KALRN: variants seen among roughly 807,000 people sequenced by gnomAD.
The protein encoded by KALRN is kalirin.
KALRN carries 70 observed loss-of-function variants against 353.7 expected under a neutral mutation model. The observed-to-expected ratio is 0.20, with a 90% CI of 0.16 to 0.24. The LOEUF (loss-of-function observed/expected upper bound fraction) is 0.24. Among genes scored for constraint, KALRN ranks in the 10% least tolerant of loss-of-function variants. The probability of loss-of-function intolerance (pLI) is 1.00; values close to 1 mark genes in which losing one functional copy is unlikely to be tolerated. For synonymous variants in KALRN, 1,391 were observed against 1,434.8 expected, an observed-to-expected ratio of 0.97 and a Z score of 0.69; for missense variants, 2,791 against 3,756.7, an observed-to-expected ratio of 0.74 and a Z score of 6.72.
At chr3:124,450,057 A>G (rs1173360708) in intron 21 of KALRN, among the ~76,000 whole-genome samples, 1 of 152,154 alleles carries the variant, frequency 6.6e-6, no homozygotes, top group Non-Finnish European at 1.5e-5. Context: ...TTATGTGCAT[A>G]CCTGGGAGTG....
chr3:124,555,823 C>G (rs1264352643), intron 33 of KALRN, among the ~76,000 whole-genome samples: 1 of 152,122 alleles, frequency 6.6e-6, no homozygotes, highest in Non-Finnish European at 1.5e-5. Context: ...GGACCATGAG[C>G]AAGACGGAAT....
chr3:124,078,929 T>A (rs2060396252), intron 1 of KALRN, among the ~76,000 whole-genome samples: 1 of 152,210 alleles, frequency 6.6e-6, no homozygotes, highest in South Asian at 2.1e-4. Flanking sequence ...GACAGAAAGT[T>A]TTCTCTTTTA....
intron 34 of KALRN, among the ~76,000 whole-genome samples, chr3:124,614,023 A>G (rs2078280661): frequency 6.6e-6 from 1 of 152,216 alleles, no homozygotes. Flanking sequence ...GATCTATAGA[A>G]GAGACTCATG....
chr3:124,347,679 T>C (rs1260042794), intron 10 of KALRN, among the ~76,000 whole-genome samples: 2 of 152,108 alleles, frequency 1.3e-5, no homozygotes, highest in Non-Finnish European at 2.9e-5. Flanking sequence ...CTGCTTATGA[T>C]TGTCACTGCC....
intron 6 of KALRN, among the ~76,000 whole-genome samples, chr3:124,322,666 G>C (rs1307718886): frequency 1.3e-5 from 2 of 152,180 alleles, no homozygotes; most frequent in Non-Finnish European, 2.9e-5. Flanking sequence ...ATTGACCAAA[G>C]GCCATGAAAA....
At chr3:124,077,374 C>A (rs2060309270) in intron 1 of KALRN, among the ~76,000 whole-genome samples, 10 of 152,276 alleles carry the variant, frequency 6.6e-5, no homozygotes, top group Middle Eastern at 3.4e-3. Context: ...ATTTAGGCTG[C>A]CCCCTGGTTT....
intron 51 of KALRN, among the ~76,000 whole-genome samples, chr3:124,681,301 T>C (rs895311415): frequency 6.6e-6 from 1 of 152,222 alleles, no homozygotes; most frequent in Non-Finnish European, 1.5e-5. Flanking sequence ...GCTTTGCTAA[T>C]TGAACACATT....
chr3:124,658,956 C>T (rs1374921713), intron 42 of KALRN, among the ~76,000 whole-genome samples: 1 of 152,158 alleles, frequency 6.6e-6, no homozygotes, highest in African/African-American at 2.4e-5. Context: ...AAGGCAGCAT[C>T]ATCACTTAGA....
At chr3:124,256,429 G>C (rs1367320481) in intron 3 of KALRN, among the ~76,000 whole-genome samples, 1 of 152,142 alleles carries the variant, frequency 6.6e-6, no homozygotes, top group Non-Finnish European at 1.5e-5. Flanking sequence ...CCAACAAACT[G>C]GTTGTGTAAG....
chr3:124,071,795 T>C (rs2060031780), intron 1 of KALRN, among the ~76,000 whole-genome samples: 1 of 152,182 alleles, frequency 6.6e-6, no homozygotes, highest in African/African-American at 2.4e-5. Flanking sequence ...TTGGAGGGGA[T>C]ACATCTGAAC....
chr3:124,185,235 C>T (rs376611579), intron 1 of KALRN, among the ~76,000 whole-genome samples: 6 of 152,288 alleles, frequency 3.9e-5, no homozygotes, highest in African/African-American at 1.4e-4. Context: ...AGGCTGGTCT[C>T]GAACTCCTGA....
intron 13 of KALRN, among the ~76,000 whole-genome samples, chr3:124,407,019 A>G (rs2091627675): frequency 6.6e-6 from 1 of 151,834 alleles, no homozygotes; most frequent in Non-Finnish European, 1.5e-5. Flanking sequence ...TTTTTAGTAG[A>G]GATGGGGTTT....
intron 34 of KALRN, chr3:124,585,006 GGGGTAGGC>G (rs1467659258): frequency 7.2e-7 from 1 of 1,389,808 alleles, no homozygotes. Flanking sequence ...GGAGGCCTCT[GGGGTAGGC>G]GGATGGGGCT....
chr3:124,408,716 G>GAA (rs34277503), intron 13 of KALRN, among the ~76,000 whole-genome samples: 2 of 147,754 alleles, frequency 1.4e-5, no homozygotes, highest in African/African-American at 5.0e-5. Context: ...AGGAAGTGGG[G>GAA]AAAAAAAAAA....
intron 1 of KALRN, among the ~76,000 whole-genome samples, chr3:124,084,421 G>C (rs902532438): frequency 1.3e-5 from 2 of 152,196 alleles, no homozygotes; most frequent in Admixed American, 6.5e-5. Context: ...TGCTGCTACA[G>C]TCAGATCCAG....
intron 33 of KALRN, among the ~76,000 whole-genome samples, chr3:124,531,675 A>C (rs929684294): frequency 1.3e-5 from 2 of 152,086 alleles, no homozygotes; most frequent in Non-Finnish European, 2.9e-5. Flanking sequence ...TAAACAACCA[A>C]ATCTCACAAA....
intron 16 of KALRN, among the ~76,000 whole-genome samples, chr3:124,432,838 T>G (rs2093331217): frequency 6.6e-6 from 1 of 152,206 alleles, no homozygotes. Flanking sequence ...GATCAAATAT[T>G]CTTGGAATTG....
intron 1 of KALRN, among the ~76,000 whole-genome samples, chr3:124,122,426 C>G (rs769216711): frequency 3.3e-5 from 5 of 152,146 alleles, no homozygotes; most frequent in Non-Finnish European, 7.4e-5. Flanking sequence ...TTGCACTTTA[C>G]TTTATTGCAC....
chr3:124,558,119 A>T (rs1045459654), intron 33 of KALRN, among the ~76,000 whole-genome samples: 1 of 152,122 alleles, frequency 6.6e-6, no homozygotes, highest in African/African-American at 2.4e-5. Flanking sequence ...CTCCATGAAG[A>T]TTACTTTAAA....
Sources: allele counts gnomAD v4.1 joint callset (sites outside exome capture counted in the v4.1 genomes callset), GRCh38; gene constraint gnomAD v4.1.1; transcripts MANE v1.5; gene names NCBI Gene and HGNC (gene_info 2026-07-23, HGNC 2026-07-21).